MACROD2: variants seen among roughly 807,000 people sequenced by gnomAD.
The protein encoded by MACROD2 is ADP-ribose glycohydrolase MACROD2.
Under a neutral mutation model 70.4 loss-of-function variants are expected in MACROD2, and 36 were observed. The observed-to-expected ratio is 0.51, with a 90% CI of 0.39 to 0.68. MACROD2 has a LOEUF of 0.68. MACROD2 is among the 30% of genes least tolerant of loss of function. The pLI is 0.00. For missense variants in MACROD2, 496 were observed against 538.4 expected, an observed-to-expected ratio of 0.92 and a Z score of 0.78; for synonymous variants, 172 against 178.8, an observed-to-expected ratio of 0.96 and a Z score of 0.30.
intron 6 of MACROD2, among the ~76,000 whole-genome samples, chr20:15,393,461 C>G (rs761858609): frequency 1.1e-4 from 17 of 152,252 alleles, no homozygotes; most frequent in East Asian, 7.7e-4. Flanking sequence ...TCTTTCCATC[C>G]CAGTTTCATA....
At chr20:14,444,885 T>C (rs1191416126) in intron 3 of MACROD2, among the ~76,000 whole-genome samples, 1 of 151,830 alleles carries the variant, frequency 6.6e-6, no homozygotes, top group Non-Finnish European at 1.5e-5. Flanking sequence ...CATATATATA[T>C]GTAGAGAGAG....
intron 6 of MACROD2, among the ~76,000 whole-genome samples, chr20:15,403,211 A>G (rs998810803): frequency 6.6e-6 from 1 of 151,602 alleles, no homozygotes; most frequent in African/African-American, 2.4e-5. Flanking sequence ...CAGGTGATCC[A>G]CCCGCCTCAG....
chr20:14,279,118 T>C (rs1236118152), intron 3 of MACROD2, among the ~76,000 whole-genome samples: 3 of 152,126 alleles, frequency 2.0e-5, no homozygotes, highest in Non-Finnish European at 4.4e-5. Flanking sequence ...AAAATTCTAA[T>C]TGATGTGTTG....
chr20:14,404,247 T>C (rs140490228), intron 3 of MACROD2, among the ~76,000 whole-genome samples: 4 of 151,978 alleles, frequency 2.6e-5, no homozygotes, highest in African/African-American at 4.8e-5. Flanking sequence ...GAGAATAGGG[T>C]AGAGGTAGTA....
At chr20:15,113,161 A>G (rs2075968079) in intron 5 of MACROD2, among the ~76,000 whole-genome samples, 1 of 152,148 alleles carries the variant, frequency 6.6e-6, no homozygotes, top group African/African-American at 2.4e-5. Context: ...ATCATATAAT[A>G]ACTCTATTTT....
At chr20:14,835,338 G>A (rs550923695) in intron 5 of MACROD2, among the ~76,000 whole-genome samples, 4 of 152,074 alleles carry the variant, frequency 2.6e-5, no homozygotes, top group Admixed American at 6.5e-5. Flanking sequence ...AGTTAACATC[G>A]GTTCATATGG....
chr20:15,259,123 C>T (rs1328895267), intron 6 of MACROD2, among the ~76,000 whole-genome samples: 1 of 151,860 alleles, frequency 6.6e-6, no homozygotes, highest in Non-Finnish European at 1.5e-5. Context: ...GCTTCTTTCC[C>T]CCCATACAAC....
chr20:15,105,562 G>A (rs970871798), intron 5 of MACROD2, among the ~76,000 whole-genome samples: 1 of 152,064 alleles, frequency 6.6e-6, no homozygotes, highest in Non-Finnish European at 1.5e-5. Flanking sequence ...GAGGAGTCAG[G>A]GAACATATGT....
chr20:14,990,497 CT>C (rs577532428), intron 5 of MACROD2, among the ~76,000 whole-genome samples: 3,066 of 142,556 alleles, frequency 0.022, 64 homozygotes, highest in Admixed American at 0.045. Flanking sequence ...GCTCTGTTTC[CT>C]TTTTTTTTTT....
At chr20:15,395,488 G>A (rs2045848783) in intron 6 of MACROD2, among the ~76,000 whole-genome samples, 1 of 152,108 alleles carries the variant, frequency 6.6e-6, no homozygotes, top group Non-Finnish European at 1.5e-5. Flanking sequence ...TAAAGGGCCA[G>A]ATAGAAAAAA....
intron 5 of MACROD2, among the ~76,000 whole-genome samples, chr20:14,798,428 TG>T (rs1393897225): frequency 1.3e-5 from 2 of 152,114 alleles, no homozygotes; most frequent in Non-Finnish European, 2.9e-5. Context: ...CTTTTCTATT[TG>T]TAGCTGAAGT....
chr20:15,926,149 G>A (rs759834910), intron 10 of MACROD2, among the ~76,000 whole-genome samples: 16 of 152,202 alleles, frequency 1.1e-4, no homozygotes, highest in Non-Finnish European at 2.2e-4. Flanking sequence ...ATAAGGAGAC[G>A]ATGGCAATGG....
At chr20:15,101,705 G>A (rs1175034934) in intron 5 of MACROD2, among the ~76,000 whole-genome samples, 1 of 151,626 alleles carries the variant, frequency 6.6e-6, no homozygotes, top group Non-Finnish European at 1.5e-5. Context: ...TCCTATTTAA[G>A]ACTATTTCAG....
chr20:14,393,710 A>T (rs1241749394), intron 3 of MACROD2, among the ~76,000 whole-genome samples: 1 of 152,082 alleles, frequency 6.6e-6, no homozygotes, highest in Admixed American at 6.6e-5. Flanking sequence ...TAGTCTCATT[A>T]TTGCTTGCCA....
At chr20:14,867,684 T>A (rs922147341) in intron 5 of MACROD2, among the ~76,000 whole-genome samples, 2 of 152,138 alleles carry the variant, frequency 1.3e-5, no homozygotes, top group African/African-American at 2.4e-5. Flanking sequence ...TGTATTTTGG[T>A]TGTCTCCAAG....
chr20:14,908,161 C>T (rs978842876), intron 5 of MACROD2, among the ~76,000 whole-genome samples: 4 of 150,830 alleles, frequency 2.7e-5, no homozygotes, highest in African/African-American at 7.3e-5. Flanking sequence ...CTGGCCAACA[C>T]GGTGAAATCT....
intron 3 of MACROD2, among the ~76,000 whole-genome samples, chr20:14,276,834 G>A (rs1257625225): frequency 6.6e-6 from 1 of 152,036 alleles, no homozygotes; most frequent in Non-Finnish European, 1.5e-5. Flanking sequence ...GCAGGCTAAT[G>A]GATGAGATAA....
intron 8 of MACROD2, among the ~76,000 whole-genome samples, chr20:15,538,892 CT>C (rs923391569): frequency 4.0e-5 from 6 of 151,414 alleles, no homozygotes; most frequent in Non-Finnish European, 5.9e-5. Flanking sequence ...TACTCTACTG[CT>C]TTTTTTTGAG....
At chr20:14,535,033 A>G (rs2085347691) in intron 4 of MACROD2, among the ~76,000 whole-genome samples, 1 of 152,234 alleles carries the variant, frequency 6.6e-6, no homozygotes, top group South Asian at 2.1e-4. Context: ...CAAGCATAAA[A>G]AACGATAGAA....
Sources: allele counts gnomAD v4.1 joint callset (sites outside exome capture counted in the v4.1 genomes callset), GRCh38; gene constraint gnomAD v4.1.1; transcripts MANE v1.5; gene names NCBI Gene and HGNC (gene_info 2026-07-23, HGNC 2026-07-21).